DYNC1I1: variants seen among roughly 807,000 people sequenced by gnomAD.
The protein encoded by DYNC1I1 is cytoplasmic dynein 1 intermediate chain 1.
Under a neutral mutation model 86.6 loss-of-function variants are expected in DYNC1I1, and 43 were observed. The ratio of observed to expected loss-of-function variants is 0.50; its 90% CI spans 0.39 to 0.64. DYNC1I1 has a LOEUF of 0.64. Among genes scored for constraint, DYNC1I1 ranks in the 30% least tolerant of loss-of-function variants. The pLI is 0.00. For synonymous variants in DYNC1I1, 262 were observed against 283.7 expected, an observed-to-expected ratio of 0.92 and a Z score of 0.77; for missense variants, 604 against 788.8, an observed-to-expected ratio of 0.77 and a Z score of 2.81.
chr7:95,884,729 T>C (rs1057111967), intron 6 of DYNC1I1, among the ~76,000 whole-genome samples: 2 of 148,876 alleles, frequency 1.3e-5, no homozygotes, highest in Non-Finnish European at 3.0e-5. Context: ...AGCCCAGGAG[T>C]TCAAGACCTG....
intron 6 of DYNC1I1, among the ~76,000 whole-genome samples, chr7:95,892,216 A>G (rs1363375242): frequency 6.6e-6 from 1 of 151,238 alleles, no homozygotes; most frequent in African/African-American, 2.4e-5. Flanking sequence ...AGCCCACTGC[A>G]ACCTCCACCT....
intron 6 of DYNC1I1, among the ~76,000 whole-genome samples, chr7:95,874,399 G>A (rs1188426011): frequency 6.6e-6 from 1 of 152,062 alleles, no homozygotes; most frequent in African/African-American, 2.4e-5. Flanking sequence ...CAGAAAAAAA[G>A]GTTTGTTGAG....
rs1391281994 is a variant in DYNC1I1, at chr7:95,810,399, T to G, written c.116T>G (p.Met39Arg). 1.3e-5 allele frequency: 21 copies of G among 1,608,720 alleles called. No homozygotes were observed. The highest frequency in any genetic ancestry group is 1.7e-5 in the Non-Finnish European group (20 of 1,177,628). Reference sequence around the variant, plus strand: ...ACTGACGTCTACTTCTAGGCTGATATGCAGCAGAAGAAAGAACCCGTTCAG... The same window carrying G: ...ACTGACGTCTACTTCTAGGCTGATAGGCAGCAGAAGAAAGAACCCGTTCAG... Reference protein sequence around the residue: ...EEERKKKEADMQQKKEPVQDD... With the variant: ...EEERKKKEADRQQKKEPVQDD... The change falls in exon 3 of 17, where the codon ATG becomes AGG. Residue 39 changes from methionine (M) to arginine (R), a missense_variant. Physicochemically the swap from Met to Arg is moderately conservative, Grantham distance 91 (BLOSUM62 -1). Coordinates refer to ENST00000447467, the MANE Select transcript of DYNC1I1 (RefSeq NM_001135556.2).
chr7:96,083,422 C>G (rs990506501), intron 16 of DYNC1I1, among the ~76,000 whole-genome samples: 3 of 147,544 alleles, frequency 2.0e-5, no homozygotes, highest in Non-Finnish European at 4.4e-5. Context: ...AAAATGACTT[C>G]CCTACATCTG....
intron 5 of DYNC1I1, among the ~76,000 whole-genome samples, chr7:95,843,430 A>G (rs747748660): frequency 9.2e-5 from 14 of 152,112 alleles, no homozygotes; most frequent in Non-Finnish European, 2.1e-4. Context: ...AACTCTCTCA[A>G]TGCTGTAACT....
At chr7:95,796,308 T>C (rs1794434239) in intron 1 of DYNC1I1, among the ~76,000 whole-genome samples, 1 of 151,758 alleles carries the variant, frequency 6.6e-6, no homozygotes, top group Non-Finnish European at 1.5e-5. Flanking sequence ...CTCTCTCTCT[T>C]TCTTTCCTTC....
chr7:95,902,002 T>G (rs1791048713), intron 6 of DYNC1I1, among the ~76,000 whole-genome samples: 1 of 152,204 alleles, frequency 6.6e-6, no homozygotes, highest in African/African-American at 2.4e-5. Flanking sequence ...ATGATCCAGG[T>G]TTTCTGAATG....
chr7:95,953,779 A>G (rs1792624460), intron 6 of DYNC1I1, among the ~76,000 whole-genome samples: 1 of 152,190 alleles, frequency 6.6e-6, no homozygotes, highest in Non-Finnish European at 1.5e-5. Context: ...TTGAGTCACT[A>G]AATCAAGGCA....
chr7:95,850,526 G>C (rs4014687), intron 5 of DYNC1I1, among the ~76,000 whole-genome samples: 76,291 of 152,006 alleles, frequency 0.5, 21,249 homozygotes, highest in Non-Finnish European at 0.64. Context: ...TTTCAAGACT[G>C]TCAGTGAATG....
rs545860727 is a variant in DYNC1I1 at position 95,861,007 on chromosome 7, T to C, written c.375-8876T>C. ...TTTTGGAGGAGACACATTCACACCA[T>C]AGCAACATCTGTTCCTGGTTTTATC... On this transcript the variant is annotated intron_variant, in intron 5 of 16. Transcript: ENST00000447467. 2.8e-4 allele frequency among the ~76,000 whole-genome samples: 43 copies of C among 152,290 alleles called. 1 individual carries two copies. Among genetic ancestry groups the C allele is most frequent in the African/African-American group, 9.6e-4 (40 of 41,562 alleles).
chr7:95,884,919 G>A (rs2116241620), intron 6 of DYNC1I1, among the ~76,000 whole-genome samples: 1 of 151,876 alleles, frequency 6.6e-6, no homozygotes, highest in South Asian at 2.1e-4. Flanking sequence ...AAGATCAAAT[G>A]TAGTCAATAT....
chr7:95,790,460 G>T (rs933707516), intron 1 of DYNC1I1, among the ~76,000 whole-genome samples: 1 of 152,086 alleles, frequency 6.6e-6, no homozygotes, highest in Non-Finnish European at 1.5e-5. Context: ...CCTCAGGTCT[G>T]GTCTTCCTCC....
intron 6 of DYNC1I1, among the ~76,000 whole-genome samples, chr7:95,908,528 A>C (rs1014663876): frequency 6.6e-6 from 1 of 152,184 alleles, no homozygotes; most frequent in African/African-American, 2.4e-5. Context: ...AAATGGCTAA[A>C]TATTACTGGT....
At chr7:95,866,283 C>T (rs1206748996) in intron 5 of DYNC1I1, among the ~76,000 whole-genome samples, 1 of 152,184 alleles carries the variant, frequency 6.6e-6, no homozygotes, top group African/African-American at 2.4e-5. Flanking sequence ...AACCAGGCTA[C>T]TTCTCAATAA....
chr7:95,882,356 C>T (rs1790476401), intron 6 of DYNC1I1, among the ~76,000 whole-genome samples: 1 of 152,084 alleles, frequency 6.6e-6, no homozygotes, highest in Non-Finnish European at 1.5e-5. Context: ...ACTTCTTAGT[C>T]ATGTTGAGCT....
chr7:95,999,728 A>G (rs1027114268), intron 10 of DYNC1I1, among the ~76,000 whole-genome samples: 2 of 152,180 alleles, frequency 1.3e-5, no homozygotes, highest in Admixed American at 6.6e-5. Flanking sequence ...TCGGAGTTCC[A>G]TTCCTAGCTG....
chr7:95,832,633 A>G (rs1047304422), intron 5 of DYNC1I1, among the ~76,000 whole-genome samples: 3 of 151,934 alleles, frequency 2.0e-5, no homozygotes, highest in Non-Finnish European at 2.9e-5. Context: ...AGCACCTGTT[A>G]TTTCCTGACT....
At chr7:95,892,534 A>G (rs1005166491) in intron 6 of DYNC1I1, among the ~76,000 whole-genome samples, 16 of 151,948 alleles carry the variant, frequency 1.1e-4, no homozygotes, top group Non-Finnish European at 2.2e-4. Context: ...GATGGTCTCT[A>G]TCTCCTGACC....
intron 6 of DYNC1I1, among the ~76,000 whole-genome samples, chr7:95,880,043 C>T (rs1381417292): frequency 1.3e-5 from 2 of 152,192 alleles, no homozygotes; most frequent in African/African-American, 2.4e-5. Context: ...TTTACTTTTA[C>T]AGTAACTTAT....
Sources: gnomAD v4.1 joint callset for allele counts (sites outside exome capture counted in the v4.1 genomes callset) on GRCh38, gnomAD v4.1.1 for gene constraint, MANE v1.5 for transcripts, NCBI Gene and HGNC (gene_info 2026-07-23, HGNC 2026-07-21) for gene names.